Variants in RTTN observed in about 807,000 individuals in gnomAD.
RTTN encodes rotatin.
Under a neutral mutation model 269.2 loss-of-function variants are expected in RTTN, and 182 were observed. The ratio of observed to expected loss-of-function variants is 0.68; its 90% CI spans 0.60 to 0.76. RTTN has a LOEUF of 0.76. Ranked by LOEUF, RTTN falls within the 30% of genes least tolerant of loss-of-function variation. The pLI, the probability that RTTN is intolerant of heterozygous loss-of-function variation, is 0.00. For missense variants in RTTN, 2,545 were observed against 2,608.6 expected, an observed-to-expected ratio of 0.98 and a Z score of 0.53; for synonymous variants, 1,006 against 963.5, an observed-to-expected ratio of 1.04 and a Z score of -0.82.
intron 10 of RTTN, among the ~76,000 whole-genome samples, chr18:70,183,873 T>C (rs1006949836): frequency 6.6e-6 from 1 of 152,198 alleles, no homozygotes; most frequent in Non-Finnish European, 1.5e-5. Context: ...GTTCGAGTGA[T>C]CCTCCTGCCT....
intron 39 of RTTN, among the ~76,000 whole-genome samples, chr18:70,048,991 A>G (rs1184320020): frequency 6.6e-6 from 1 of 152,222 alleles, no homozygotes; most frequent in Non-Finnish European, 1.5e-5. Flanking sequence ...CTATTATTAC[A>G]TAAAACTGTA....
At chr18:70,171,549 T>C (rs776667566) in intron 11 of RTTN, among the ~76,000 whole-genome samples, 6 of 152,238 alleles carry the variant, frequency 3.9e-5, no homozygotes, top group Non-Finnish European at 7.3e-5. Context: ...TGTCATTAGC[T>C]AATCTTTACA....
At chr18:70,031,436 T>C in intron 40 of RTTN, 2 of 398,286 alleles carry the variant, frequency 5.0e-6, no homozygotes, top group Non-Finnish European at 8.9e-6. Flanking sequence ...GATTTGGTTC[T>C]TTCCATCTTT....
chr18:70,198,784 T>C (rs773339534), intron 5 of RTTN, among the ~76,000 whole-genome samples: 1 of 152,200 alleles, frequency 6.6e-6, no homozygotes, highest in Non-Finnish European at 1.5e-5. Context: ...TACATTTATG[T>C]TCAATTTTCC....
intron 29 of RTTN, among the ~76,000 whole-genome samples, 188 bp from the exon 30 acceptor site, chr18:70,092,408 A>G (rs1374855194): frequency 6.6e-6 from 1 of 152,238 alleles, no homozygotes; most frequent in Non-Finnish European, 1.5e-5. Context: ...AAACATAACA[A>G]TTTTTTGACA....
chr18:70,136,585 T>C (rs1418351234), intron 21 of RTTN, among the ~76,000 whole-genome samples: 3 of 151,832 alleles, frequency 2.0e-5, no homozygotes, highest in Non-Finnish European at 4.4e-5. Context: ...TTTGAATATA[T>C]ATGAAAAGAT....
At chr18:70,011,586 T>C (rs2056373379) in intron 46 of RTTN, among the ~76,000 whole-genome samples, 1 of 152,138 alleles carries the variant, frequency 6.6e-6, no homozygotes, top group South Asian at 2.1e-4. Context: ...ATGCAACATA[T>C]CTCAAAATAA....
intron 28 of RTTN, among the ~76,000 whole-genome samples, chr18:70,098,405 A>G (rs1367145813): frequency 6.6e-6 from 1 of 152,204 alleles, no homozygotes; most frequent in Non-Finnish European, 1.5e-5. Context: ...TCGAAAGGTC[A>G]CTAGATCCAG....
intron 14 of RTTN, among the ~76,000 whole-genome samples, chr18:70,163,235 A>T (rs1324419680): frequency 6.6e-6 from 1 of 151,996 alleles, no homozygotes; most frequent in Non-Finnish European, 1.5e-5. Context: ...TACAAAACTT[A>T]GCTGGGCATG....
At chr18:70,123,640 A>C (rs530075956) in intron 25 of RTTN, among the ~76,000 whole-genome samples, 14 of 152,100 alleles carry the variant, frequency 9.2e-5, no homozygotes, top group African/African-American at 3.4e-4. Flanking sequence ...TAGACTTTTA[A>C]CATCCTTCTA....
chr18:70,024,718 T>C lies in RTTN; in HGVS notation c.5950+4A>G, dbSNP rs552638422. The C allele has an allele frequency of 3.3e-5, 53 of 1,612,092 alleles. No homozygotes were observed. The highest frequency in any genetic ancestry group is 4.4e-5 in the Non-Finnish European group (52 of 1,178,468). On this transcript the variant is annotated splice_donor_region_variant and intron_variant, in intron 44 of 48. Coordinates refer to ENST00000640769, the MANE Select transcript of RTTN (RefSeq NM_173630.4). ...TATTGAAAGGCAGTATTGGATCCTA[T>C]TACCATTTGGAAAATTTGCAGTATA... is the stretch of plus-strand genomic sequence containing the variant.
At chr18:70,153,460 A>T (rs2060592732) in intron 14 of RTTN, among the ~76,000 whole-genome samples, 1 of 152,082 alleles carries the variant, frequency 6.6e-6, no homozygotes, top group South Asian at 2.1e-4. Flanking sequence ...GTGTCCAGTA[A>T]ATATTGCTAA....
chr18:70,052,263 A>T (rs2057691773), intron 38 of RTTN, among the ~76,000 whole-genome samples: 2 of 152,078 alleles, frequency 1.3e-5, no homozygotes, highest in South Asian at 4.1e-4. Context: ...CCCCGAGGAG[A>T]TCCATCTAGG....
chr18:70,012,218 G>A (rs2056400968), intron 46 of RTTN, among the ~76,000 whole-genome samples: 1 of 150,352 alleles, frequency 6.7e-6, no homozygotes, highest in Non-Finnish European at 1.5e-5. Context: ...GGCAGCATCT[G>A]CTCACTGGTA....
chr18:70,037,571 G>T (rs1261194781), intron 40 of RTTN, among the ~76,000 whole-genome samples: 1 of 152,142 alleles, frequency 6.6e-6, no homozygotes, highest in Non-Finnish European at 1.5e-5. Context: ...TTCATTACTT[G>T]CTGACTAAAG....
chr18:70,079,990 A>T (rs2145118699), intron 32 of RTTN, among the ~76,000 whole-genome samples: 1 of 152,192 alleles, frequency 6.6e-6, no homozygotes, highest in Non-Finnish European at 1.5e-5. Flanking sequence ...TAATCCAAAG[A>T]CTGTAAAAAT....
chr18:70,191,289 T>C (rs1038229505), intron 8 of RTTN, among the ~76,000 whole-genome samples: 1 of 152,110 alleles, frequency 6.6e-6, no homozygotes, highest in Admixed American at 6.5e-5. Flanking sequence ...AACATTCCTA[T>C]AGTAGGAATC....
At chr18:70,095,556 C>T (rs954658815) in intron 28 of RTTN, among the ~76,000 whole-genome samples, 1 of 152,108 alleles carries the variant, frequency 6.6e-6, no homozygotes, top group African/African-American at 2.4e-5. Context: ...GCTTTTGAAG[C>T]TTAGTTTGGC....
intron 40 of RTTN, among the ~76,000 whole-genome samples, chr18:70,046,323 G>A (rs2057491011): frequency 6.6e-6 from 1 of 152,112 alleles, no homozygotes; most frequent in Non-Finnish European, 1.5e-5. Flanking sequence ...GGGAGGGCAG[G>A]GCCCAGCACA....
Sources: gnomAD v4.1 joint callset for allele counts (sites outside exome capture counted in the v4.1 genomes callset) on GRCh38, gnomAD v4.1.1 for gene constraint, MANE v1.5 for transcripts, NCBI Gene and HGNC (gene_info 2026-07-23, HGNC 2026-07-21) for gene names.